Variants in GPM6A observed in about 807,000 individuals in gnomAD.
GPM6A encodes neuronal membrane glycoprotein M6-a.
A neutral mutation model predicts 32.1 loss-of-function variants in GPM6A; 7 were observed. That is an observed-to-expected ratio of 0.22 (90% CI 0.12 to 0.41). The LOEUF (loss-of-function observed/expected upper bound fraction) is 0.41. Among genes scored for constraint, GPM6A ranks in the 10% least tolerant of loss-of-function variants. The pLI, the probability that GPM6A is intolerant of heterozygous loss-of-function variation, is 1.00. For synonymous variants in GPM6A, 130 were observed against 123.4 expected, an observed-to-expected ratio of 1.05 and a Z score of -0.35; for missense variants, 235 against 347.2, an observed-to-expected ratio of 0.68 and a Z score of 2.57.
At chr4:175,654,811 A>G (rs1205472372) in intron 3 of GPM6A, among the ~76,000 whole-genome samples, 1 of 152,172 alleles carries the variant, frequency 6.6e-6, no homozygotes, top group African/African-American at 2.4e-5. Flanking sequence ...CTCTAGAACA[A>G]TAAACATGAT....
intron 1 of GPM6A, among the ~76,000 whole-genome samples, chr4:175,717,164 C>T (rs1745883624): frequency 6.6e-6 from 1 of 152,106 alleles, no homozygotes; most frequent in Admixed American, 6.6e-5. Context: ...CTACATTGGC[C>T]ACCTTTCAAT....
intron 1 of GPM6A, among the ~76,000 whole-genome samples, chr4:176,002,046 A>G (rs1741499728): frequency 6.6e-6 from 1 of 152,106 alleles, no homozygotes; most frequent in Non-Finnish European, 1.5e-5. Flanking sequence ...TCAGCGCCCA[A>G]GCGCAGCCCC....
intron 1 of GPM6A, among the ~76,000 whole-genome samples, chr4:175,748,649 G>C (rs557694275): frequency 9.2e-5 from 14 of 151,998 alleles, no homozygotes; most frequent in Non-Finnish European, 2.1e-4. Flanking sequence ...AATTCTTCAG[G>C]GCCCCGAGAT....
At position 175,929,199 on chromosome 4, in the gene GPM6A, G is replaced by A. The variant is rs1388292812; in HGVS notation, c.-23+73110C>T. On this transcript the variant is annotated intron_variant, in intron 1 of 7. Coordinates refer to the GPM6A transcript ENST00000280187. ...CCTATGACAAGGAACAAAATAGCAGGCTTCAATTTTAGAACTCTAATTACT... is the reference window on the plus strand; with the variant it reads ...CCTATGACAAGGAACAAAATAGCAGACTTCAATTTTAGAACTCTAATTACT... 2.0e-5 allele frequency among the ~76,000 whole-genome samples: 3 copies of A among 152,254 alleles called. No homozygotes were observed. In the South Asian group the frequency reaches 6.2e-4, roughly 32 times the overall value.
chr4:175,661,417 AGAGT>A (rs1446524950), intron 3 of GPM6A, among the ~76,000 whole-genome samples: 1 of 140,068 alleles, frequency 7.1e-6, no homozygotes, highest in Non-Finnish European at 1.6e-5. Flanking sequence ...CCTGGATGAC[AGAGT>A]GAGACTCTGT....
intron 1 of GPM6A, chr4:175,970,849 G>A (rs772997648): frequency 4.4e-6 from 2 of 455,074 alleles, no homozygotes; most frequent in East Asian, 7.0e-5. Context: ...GAAATCTTCC[G>A]ATTGTTAGAT....
Position 175,991,345 on chromosome 4 carries a change from G to A in GPM6A, c.-23+10964C>T, listed in dbSNP as rs532140416. Reference sequence around the variant, plus strand: ...CCCGCCTCGGCCTCCCAAAGTACTTGGATTACAGGCATAGCCACTGCGCCT... The same window carrying A: ...CCCGCCTCGGCCTCCCAAAGTACTTAGATTACAGGCATAGCCACTGCGCCT... On this transcript the variant is annotated intron_variant, in intron 1 of 7. Transcript: ENST00000280187. Among the ~76,000 whole-genome samples the A allele has an allele frequency of 3.3e-5, 5 of 151,046 alleles. No homozygotes were observed. In the East Asian group the frequency reaches 7.8e-4, roughly 24 times the overall value.
At chr4:175,723,366 T>C (rs1746241998) in intron 1 of GPM6A, among the ~76,000 whole-genome samples, 2 of 152,170 alleles carry the variant, frequency 1.3e-5, no homozygotes, top group South Asian at 4.1e-4. Context: ...GTGTTAGGGT[T>C]TTCTCCCTAT....
intron 1 of GPM6A, among the ~76,000 whole-genome samples, chr4:175,743,754 T>A (rs1731982765): frequency 6.6e-6 from 1 of 151,940 alleles, no homozygotes; most frequent in South Asian, 2.1e-4. Context: ...AAAGTAAACA[T>A]TAAGACAAAA....
chr4:175,729,905 A>T (rs1319305063), intron 1 of GPM6A, among the ~76,000 whole-genome samples: 1 of 146,508 alleles, frequency 6.8e-6, no homozygotes, highest in Non-Finnish European at 1.5e-5. Flanking sequence ...ATATGTATTC[A>T]AATAATATAT....
intron 6 of GPM6A, among the ~76,000 whole-genome samples, chr4:175,637,268 TA>T (rs1740725904): frequency 1.8e-5 from 1 of 55,296 alleles, no homozygotes; most frequent in Admixed American, 3.4e-4. Context: ...AAATATATAT[TA>T]TATATTATAT....
chr4:175,684,817 A>G (rs1743882806), intron 2 of GPM6A, among the ~76,000 whole-genome samples: 1 of 152,102 alleles, frequency 6.6e-6, no homozygotes, highest in Non-Finnish European at 1.5e-5. Context: ...TAGATCTCTC[A>G]TAGCTCTCCC....
intron 1 of GPM6A, among the ~76,000 whole-genome samples, chr4:175,937,563 A>T (rs1389110271): frequency 1.3e-5 from 2 of 152,180 alleles, no homozygotes; most frequent in Non-Finnish European, 2.9e-5. Flanking sequence ...ATGTTTGATT[A>T]ATGAATGAAC....
At chr4:175,851,398 T>C (rs1736252109) in intron 1 of GPM6A, among the ~76,000 whole-genome samples, 2 of 150,690 alleles carry the variant, frequency 1.3e-5, no homozygotes, top group African/African-American at 4.9e-5. Context: ...GGGAGGAGAA[T>C]CATTTGAACT....
At chr4:175,774,659 A>G (rs17606690) in intron 1 of GPM6A, among the ~76,000 whole-genome samples, 3,069 of 152,188 alleles carry the variant, frequency 0.02, 56 homozygotes, top group Non-Finnish European at 0.031. Context: ...AGAGTCTTGT[A>G]TATAATGGTA....
intron 1 of GPM6A, among the ~76,000 whole-genome samples, chr4:175,710,668 G>A (rs551270509): frequency 9.9e-5 from 15 of 152,126 alleles, no homozygotes; most frequent in Non-Finnish European, 8.8e-5. Flanking sequence ...CCAACTCACA[G>A]GAGAGCTGGC....
At chr4:175,911,409 C>T (rs925109551) in intron 1 of GPM6A, among the ~76,000 whole-genome samples, 3 of 152,114 alleles carry the variant, frequency 2.0e-5, no homozygotes, top group East Asian at 3.9e-4. Context: ...ACTTAAGGCC[C>T]AGTAACACCT....
intron 2 of GPM6A, among the ~76,000 whole-genome samples, chr4:175,687,312 T>C (rs1279347111): frequency 6.6e-6 from 1 of 152,130 alleles, no homozygotes; most frequent in African/African-American, 2.4e-5. Flanking sequence ...CCACACTCAT[T>C]GAACAGCCAC....
At chr4:175,857,384 TGAA>T (rs1736448288) in intron 1 of GPM6A, among the ~76,000 whole-genome samples, 1 of 152,122 alleles carries the variant, frequency 6.6e-6, no homozygotes, top group Non-Finnish European at 1.5e-5. Flanking sequence ...CAAAACCACT[TGAA>T]GGTAGATTCT....
Sources: allele counts gnomAD v4.1 joint callset (sites outside exome capture counted in the v4.1 genomes callset), GRCh38; gene constraint gnomAD v4.1.1; transcripts MANE v1.5; gene names NCBI Gene and HGNC (gene_info 2026-07-23, HGNC 2026-07-21).